Variants in CPNE5 observed in about 807,000 individuals in gnomAD.
CPNE5 encodes the protein copine 5.
Under a neutral mutation model 81.1 loss-of-function variants are expected in CPNE5, and 42 were observed. That is an observed-to-expected ratio of 0.52 (90% confidence interval 0.40 to 0.67). The LOEUF (loss-of-function observed/expected upper bound fraction) is 0.67, where lower values mean the gene tolerates loss of function less well. Among genes scored for constraint, CPNE5 ranks in the 30% least tolerant of loss-of-function variants. The pLI is 0.00. For missense variants in CPNE5, 612 were observed against 815.5 expected (o/e 0.75, Z 3.04); for synonymous variants, 313 against 321.5 (o/e 0.97, Z 0.28).
intron 3 of CPNE5, among the ~76,000 whole-genome samples, chr6:36,819,812 G>A (rs1771884495): frequency 6.6e-6 from 1 of 152,118 alleles, no homozygotes; most frequent in Non-Finnish European, 1.5e-5. Context: ...GAGTCCACCA[G>A]CCTCCCTCCC....
intron 14 of CPNE5, among the ~76,000 whole-genome samples, chr6:36,750,182 G>A (rs549803486): frequency 1.8e-4 from 27 of 152,332 alleles, no homozygotes; most frequent in African/African-American, 6.3e-4. Context: ...TGGGGCTATG[G>A]ATGATGTAAG....
chr6:36,775,598 C>G (rs1290924115), intron 9 of CPNE5, among the ~76,000 whole-genome samples: 1 of 152,192 alleles, frequency 6.6e-6, no homozygotes, highest in Non-Finnish European at 1.5e-5. Flanking sequence ...ACTCACTCCT[C>G]ACTACCTTCA....
intron 8 of CPNE5, among the ~76,000 whole-genome samples, chr6:36,781,105 C>G (rs942927015): frequency 9.2e-5 from 14 of 152,174 alleles, no homozygotes; most frequent in Non-Finnish European, 1.8e-4. Context: ...ATTCCGGTTA[C>G]CCTGGGATGG....
chr6:36,765,871 G>A (rs1033935626), intron 10 of CPNE5, among the ~76,000 whole-genome samples: 4 of 152,178 alleles, frequency 2.6e-5, no homozygotes, highest in Non-Finnish European at 4.4e-5. Context: ...GCCCTGGCTC[G>A]GGGATGGCCC....
At chr6:36,792,804 G>A (rs1051650310) in intron 7 of CPNE5, among the ~76,000 whole-genome samples, 2 of 152,124 alleles carry the variant, frequency 1.3e-5, no homozygotes, top group Admixed American at 1.3e-4. Flanking sequence ...TCTTCCCCTG[G>A]TTAGATAGGA....
intron 4 of CPNE5, 81 bp downstream of exon 4, chr6:36,799,886 C>A (rs1769950494): frequency 1.9e-6 from 2 of 1,051,130 alleles, no homozygotes; most frequent in African/African-American, 1.6e-5. Context: ...CAGCTCCTTC[C>A]TCAACCACAG....
chr6:36,745,605 C>T, intron 16 of CPNE5, 90 bp from the exon 17 acceptor site: 1 of 1,399,602 alleles, frequency 7.1e-7, no homozygotes, highest in Non-Finnish European at 9.7e-7. Flanking sequence ...GGGAGGCCAG[C>T]AGGCCTGGGC....
chr6:36,827,506 A>C, intron 1 of CPNE5: 2 of 985,334 alleles, frequency 2.0e-6, no homozygotes, highest in Non-Finnish European at 2.4e-6. Flanking sequence ...AGATCCCCCT[A>C]TTATGTCTCT....
At chr6:36,781,178 G>T (rs1768005857) in intron 8 of CPNE5, among the ~76,000 whole-genome samples, 1 of 152,156 alleles carries the variant, frequency 6.6e-6, no homozygotes, top group Non-Finnish European at 1.5e-5. Flanking sequence ...AGGTGCCCAG[G>T]TAATGACGAC....
Position 36,741,401 on chromosome 6 carries a change from T to A in CPNE5, c.*867A>T, listed in dbSNP as rs889270330. 6.6e-6 allele frequency: 1 copy of A among 152,220 alleles called. No homozygotes were observed. Among genetic ancestry groups the A allele is most frequent in the Non-Finnish European group, 1.5e-5 (1 of 67,988 alleles). 9.4% of individuals were successfully genotyped at this position (152,220 alleles called of 1,614,324 possible). A position where few individuals can be genotyped will look rare whatever the true frequency, so the allele number is the denominator to read the frequency against. On this transcript the variant is annotated 3_prime_UTR_variant, in exon 21 of 21. Transcript: ENST00000244751. ...CCAGGACTCCTGTCTCCTAGCCTCA[T>A]GGGATACAGGGCAAAGAGCAGGAGC...
chr6:36,759,165 T>C (rs1303303891), intron 12 of CPNE5, among the ~76,000 whole-genome samples: 1 of 152,236 alleles, frequency 6.6e-6, no homozygotes, highest in Non-Finnish European at 1.5e-5. Flanking sequence ...AGCATGTTTC[T>C]TCTAAGCTTT....
At chr6:36,830,158 A>G (rs1466781735) in intron 1 of CPNE5, among the ~76,000 whole-genome samples, 1 of 152,214 alleles carries the variant, frequency 6.6e-6, no homozygotes, top group Non-Finnish European at 1.5e-5. Context: ...AGAGGCATGC[A>G]GAAATGTGAA....
At chr6:36,799,503 C>T (rs1032061810) in intron 4 of CPNE5, among the ~76,000 whole-genome samples, 2 of 152,202 alleles carry the variant, frequency 1.3e-5, no homozygotes, top group Non-Finnish European at 2.9e-5. Flanking sequence ...AAGGCACTCT[C>T]ATGTTCCGAC....
At chr6:36,751,154 T>C (rs1232412226) in intron 14 of CPNE5, among the ~76,000 whole-genome samples, 1 of 152,192 alleles carries the variant, frequency 6.6e-6, no homozygotes, top group Non-Finnish European at 1.5e-5. Flanking sequence ...ACTCAGGCTC[T>C]CCAGAGAGTT....
chr6:36,770,362 T>C (rs916302), intron 10 of CPNE5, among the ~76,000 whole-genome samples: 12,186 of 152,284 alleles, frequency 0.08, 571 homozygotes, highest in East Asian at 0.18. Flanking sequence ...ACCCGGCTCC[T>C]AGGGTTATTG....
At chr6:36,775,703 CTT>C (rs200296839) in intron 9 of CPNE5, among the ~76,000 whole-genome samples, 3 of 150,284 alleles carry the variant, frequency 2.0e-5, no homozygotes, top group African/African-American at 7.3e-5. Context: ...TCCTCCCAGA[CTT>C]TTTTTTTTCT....
intron 3 of CPNE5, among the ~76,000 whole-genome samples, chr6:36,820,902 A>T (rs377413869): frequency 6.6e-6 from 1 of 152,056 alleles, no homozygotes; most frequent in Non-Finnish European, 1.5e-5. Context: ...AGTCATGATC[A>T]CACCACTGCA....
In CPNE5 at chr6:36,800,122, T is replaced by C. The variant is rs1262404410; in HGVS notation, c.184-52A>G. 3 of 1,362,856 alleles carry C rather than the reference T, an allele frequency of 2.2e-6. No individual in the cohort carries two copies. In the South Asian group the frequency reaches 3.8e-5, roughly 17 times the overall value. The allele number at this position is 1,362,856 out of a possible 1,614,324, so 84.4% of individuals were successfully genotyped here. On this transcript the variant is annotated intron_variant, in intron 3 of 20. Transcript: ENST00000244751. ...TCAGGGCCGGGCTGGTGGGGCCGGC[T>C]GGTGGGGCAGGGGAGAGCACTGGGC...
intron 3 of CPNE5, among the ~76,000 whole-genome samples, chr6:36,820,335 C>CTT (rs1163633243): frequency 0.14 from 12,445 of 92,038 alleles, 1,387 homozygotes; most frequent in Admixed American, 0.18. Context: ...CTAATCCATT[C>CTT]TTTTTTTTTT....
Sources: allele counts gnomAD v4.1 joint callset (sites outside exome capture counted in the v4.1 genomes callset), GRCh38; gene constraint gnomAD v4.1.1; transcripts MANE v1.5; gene names NCBI Gene and HGNC (gene_info 2026-07-23, HGNC 2026-07-21).